The following TMEFF2 variants were observed in gnomAD, a reference collection of about 807,000 sequenced individuals.
The protein encoded by TMEFF2 is transmembrane protein with EGF like and two follistatin like domains 2, also known as tomoregulin-2.
TMEFF2 carries 28 observed loss-of-function variants against 53.8 expected under a neutral mutation model. That is an observed-to-expected ratio of 0.52 (90% CI 0.39 to 0.71). The LOEUF is 0.71. Ranked by LOEUF, TMEFF2 falls within the 30% of genes least tolerant of loss-of-function variation. The probability of loss-of-function intolerance (pLI) is 0.00; values close to 1 mark genes in which losing one functional copy is unlikely to be tolerated. For missense variants in TMEFF2, 353 were observed against 455.2 expected (o/e 0.78, Z 2.04); for synonymous variants, 162 against 166.3 (o/e 0.97, Z 0.20).
In TMEFF2 at chr2:192,098,617, C is replaced by T. The variant is rs138015526; in HGVS notation, c.440-40842G>A. ...CTGGAGGCAGAAGCCATCTGCTGCT[C>T]GTCTCTCAATTGGATGATAAAAGTA... On this transcript the variant is annotated intron_variant, in intron 4 of 9. Coordinates refer to ENST00000272771, the MANE Select transcript of TMEFF2 (RefSeq NM_016192.4). Among the ~76,000 whole-genome samples, 13 of 152,202 alleles carry T rather than the reference C, an allele frequency of 8.5e-5. No individual in the cohort carries two copies. In the South Asian group the frequency reaches 1.7e-3, roughly 19 times the overall value.
At chr2:192,184,585 C>T (rs1691266745) in intron 2 of TMEFF2, 102 bp from the exon 3 acceptor site, 1 of 1,411,158 alleles carries the variant, frequency 7.1e-7, no homozygotes, top group South Asian at 1.4e-5. Context: ...CACTTGTCTT[C>T]ATTTTCAATG....
rs766551718 is a variant in TMEFF2, at chr2:191,999,021, A to G, written c.685+39T>C. 3.2e-6 allele frequency: 5 copies of G among 1,565,584 alleles called. No homozygotes were observed. In the Admixed American group the frequency reaches 7.3e-5, roughly 23 times the overall value. On this transcript the variant is annotated intron_variant, in intron 6 of 9. Coordinates refer to ENST00000272771, the MANE Select transcript of TMEFF2 (RefSeq NM_016192.4). ...CACTTTTCATTTTTGCACAAAGACT[A>G]AAATCATTCTTTGAAATGAATTTTG... is the stretch of plus-strand genomic sequence containing the variant.
At chr2:192,173,404 C>T (rs528467212) in intron 4 of TMEFF2, among the ~76,000 whole-genome samples, 2 of 151,694 alleles carry the variant, frequency 1.3e-5, no homozygotes, top group African/African-American at 4.8e-5. Flanking sequence ...ATTTTGACAT[C>T]AAGCAGAATT....
Position 192,003,937 on chromosome 2 carries a change from G to GGGA in TMEFF2, c.537-4730_537-4729insTCC, listed in dbSNP as rs1553512525. 7.4e-5 allele frequency among the ~76,000 whole-genome samples: 11 copies of GGGA among 148,468 alleles called. 1 individual carries two copies. Among genetic ancestry groups the GGGA allele is most frequent in the Non-Finnish European group, 1.4e-4 (9 of 66,412 alleles). On this transcript the variant is annotated intron_variant, in intron 5 of 9. Transcript: ENST00000272771. ...AATTTGTGTGTGTGTGTGGGGGGGGGGCTCACACTCACCTCCATGGTGCAT... is the reference window on the plus strand; with the variant it reads ...AATTTGTGTGTGTGTGTGGGGGGGGGGGAGCTCACACTCACCTCCATGGTGCAT...
rs575973637 is a variant in TMEFF2 at position 191,949,364 on chromosome 2, C to T, written c.*947G>A. 23 of 985,342 alleles carry T rather than the reference C, an allele frequency of 2.3e-5. No homozygotes were observed. Among genetic ancestry groups the T allele is most frequent in the Non-Finnish European group, 2.8e-5 (23 of 829,884 alleles). The allele number at this position is 985,342 out of a possible 1,614,324, so 61.0% of individuals were successfully genotyped here. ...CTTAGTTCCATTACAAATTATGGTG[C>T]TGCATTAGCCACAAAGCTATTCATG... On this transcript the variant is annotated 3_prime_UTR_variant, in exon 10 of 10. Transcript: ENST00000272771.
intron 7 of TMEFF2, among the ~76,000 whole-genome samples, chr2:191,958,739 G>C (rs1559060770): frequency 6.6e-6 from 1 of 152,160 alleles, no homozygotes; most frequent in Non-Finnish European, 1.5e-5. Context: ...TTATGAGCTT[G>C]GAGTGCTCTG....
At chr2:191,987,331 T>C (rs1686001213) in intron 7 of TMEFF2, among the ~76,000 whole-genome samples, 2 of 152,168 alleles carry the variant, frequency 1.3e-5, no homozygotes, top group East Asian at 3.8e-4. Flanking sequence ...CCCTCAATCA[T>C]GATTTCTGAA....
intron 4 of TMEFF2, among the ~76,000 whole-genome samples, chr2:192,127,524 A>C (rs1313017744): frequency 6.6e-6 from 1 of 152,178 alleles, no homozygotes; most frequent in Non-Finnish European, 1.5e-5. Flanking sequence ...TTTTTGTTCA[A>C]ACTGGATGAG....
chr2:192,145,615 G>GA (rs1240331878), intron 4 of TMEFF2, among the ~76,000 whole-genome samples: 1 of 151,872 alleles, frequency 6.6e-6, no homozygotes, highest in Non-Finnish European at 1.5e-5. Context: ...CTGCATAATT[G>GA]AAAAAACATG....
intron 4 of TMEFF2, among the ~76,000 whole-genome samples, chr2:192,144,909 G>A (rs1690214195): frequency 6.6e-6 from 1 of 151,882 alleles, no homozygotes. Context: ...CTAATTTAAT[G>A]TAAGATTTGG....
At chr2:192,157,158 A>G (rs1690525046) in intron 4 of TMEFF2, among the ~76,000 whole-genome samples, 1 of 152,064 alleles carries the variant, frequency 6.6e-6, no homozygotes, top group African/African-American at 2.4e-5. Flanking sequence ...CGAAAACTTT[A>G]AAATTTCTTT....
chr2:192,047,763 T>C (rs1687659138), intron 5 of TMEFF2, among the ~76,000 whole-genome samples: 1 of 152,228 alleles, frequency 6.6e-6, no homozygotes, highest in African/African-American at 2.4e-5. Context: ...TTACAATTTG[T>C]TCAATCATTT....
chr2:191,999,097 C>T lies in TMEFF2; in HGVS notation c.648G>A (p.Gln216=). ...CCAAAGACATGACTTCAATTTTCTC[C>T]TGTTTCTGACACGATGCTTCTTTGA... ...CQIKEASCQK[Q]EKIEVMSLGR... The change falls in exon 6 of 10, where the codon CAG becomes CAA. Residue 216 remains glutamine, a synonymous_variant. Coordinates refer to ENST00000272771, the MANE Select transcript of TMEFF2 (RefSeq NM_016192.4). The T allele has an allele frequency of 6.2e-7, 1 of 1,610,808 alleles. No homozygotes were observed. Among genetic ancestry groups the T allele is most frequent in the Non-Finnish European group, 8.5e-7 (1 of 1,177,702 alleles).
At chr2:192,081,420 T>G (rs1402109489) in intron 4 of TMEFF2, among the ~76,000 whole-genome samples, 2 of 152,220 alleles carry the variant, frequency 1.3e-5, no homozygotes, top group Non-Finnish European at 2.9e-5. Flanking sequence ...TCCAGCCTTA[T>G]TAATTCTAAT....
intron 4 of TMEFF2, among the ~76,000 whole-genome samples, chr2:192,108,919 G>A (rs934486177): frequency 2.6e-5 from 4 of 151,942 alleles, no homozygotes; most frequent in Non-Finnish European, 5.9e-5. Context: ...AACATGCCAA[G>A]CAAAATAAGC....
At position 192,033,520 on chromosome 2, in the gene TMEFF2, A is replaced by ATTT. The variant is rs11396104; in HGVS notation, c.536+24156_536+24158dup. The stretch of plus-strand genomic sequence containing the variant: ...TTTTAGCACAAAAAAACCAGTTTGG[A>ATTT]TTTTTTTTTTTTTTTTTTTTACACA... On this transcript the variant is annotated intron_variant, in intron 5 of 9. Coordinates refer to ENST00000272771, the MANE Select transcript of TMEFF2 (RefSeq NM_016192.4). Among the ~76,000 whole-genome samples, 483 of 135,580 alleles carry ATTT rather than the reference A, an allele frequency of 3.6e-3. 5 individuals carry two copies. The highest frequency in any genetic ancestry group is 0.012 in the African/African-American group (433 of 36,638). 88.9% of individuals were successfully genotyped at this position (135,580 alleles called of 152,430 possible). A position where few individuals can be genotyped will look rare whatever the true frequency, so the allele number is the denominator to read the frequency against.
At chr2:192,135,172 A>G (rs189997050) in intron 4 of TMEFF2, among the ~76,000 whole-genome samples, 7 of 152,278 alleles carry the variant, frequency 4.6e-5, no homozygotes, top group Admixed American at 3.3e-4. Flanking sequence ...AACTATTCAT[A>G]TATGCCCTGC....
intron 7 of TMEFF2, among the ~76,000 whole-genome samples, chr2:191,975,273 T>C (rs1205065209): frequency 1.5e-5 from 2 of 135,886 alleles, no homozygotes; most frequent in Non-Finnish European, 3.3e-5. Context: ...TTCTTTTTTT[T>C]TTTTTTTTGC....
intron 2 of TMEFF2, among the ~76,000 whole-genome samples, chr2:192,189,818 T>C (rs77133331): frequency 2.5e-3 from 383 of 152,264 alleles, no homozygotes; most frequent in African/African-American, 8.8e-3. Context: ...TCAGCCACTC[T>C]ATATTCTTGG....
Sources: allele counts gnomAD v4.1 joint callset (sites outside exome capture counted in the v4.1 genomes callset), GRCh38; gene constraint gnomAD v4.1.1; transcripts MANE v1.5; gene names NCBI Gene and HGNC (gene_info 2026-07-23, HGNC 2026-07-21).